Variants in FHIP1A observed in about 807,000 individuals in gnomAD.
FHIP1A encodes the protein FHF complex subunit HOOK interacting protein 1A, also known as FHF complex subunit HOOK-interacting protein 1A.
Under a neutral mutation model 88.6 loss-of-function variants are expected in FHIP1A, and 61 were observed. The observed-to-expected ratio is 0.69, with a 90% CI of 0.56 to 0.85. FHIP1A has a LOEUF of 0.85. FHIP1A is among the 40% of genes least tolerant of loss of function. The pLI, the probability that FHIP1A is intolerant of heterozygous loss-of-function variation, is 0.00. For synonymous variants in FHIP1A, 478 were observed against 496.0 expected, an observed-to-expected ratio of 0.96 and a Z score of 0.48; for missense variants, 1,154 against 1,273.5, an observed-to-expected ratio of 0.91 and a Z score of 1.43.
At chr4:151,424,512 G>A (rs1733291881) in intron 1 of FHIP1A, among the ~76,000 whole-genome samples, 1 of 152,114 alleles carries the variant, frequency 6.6e-6, no homozygotes, top group Non-Finnish European at 1.5e-5. Flanking sequence ...GTAGGATAAG[G>A]TAGACTCAGA....
Position 151,602,842 on chromosome 4 carries a change from G to A in FHIP1A, c.978+13916G>A, listed in dbSNP as rs111452552. On this transcript the variant is annotated intron_variant, in intron 7 of 13. Transcript: ENST00000435205. ...GCAGGGGATTCAAGAGAAGGGAAAGGTGTGGAGAAAAAGACAGACACAAGT... is the reference window on the plus strand; with the variant it reads ...GCAGGGGATTCAAGAGAAGGGAAAGATGTGGAGAAAAAGACAGACACAAGT... Among the ~76,000 whole-genome samples the A allele has an allele frequency of 3.1e-3, 469 of 152,222 alleles. 2 individuals are homozygous for A. The highest frequency in any genetic ancestry group is 0.011 in the African/African-American group (455 of 41,518).
chr4:151,662,476 A>G (rs1737497348), intron 13 of FHIP1A, 25 bp from the exon 14 acceptor site: 1 of 1,502,782 alleles, frequency 6.7e-7, no homozygotes, highest in African/African-American at 1.4e-5. Context: ...GAGGGACACC[A>G]TGATGGTTTT....
At chr4:151,626,715 A>G (rs1340533286) in intron 7 of FHIP1A, among the ~76,000 whole-genome samples, 1 of 152,242 alleles carries the variant, frequency 6.6e-6, no homozygotes, top group Non-Finnish European at 1.5e-5. Flanking sequence ...TTCTTTATAA[A>G]ACAAATTAAA....
intron 1 of FHIP1A, among the ~76,000 whole-genome samples, chr4:151,432,262 G>A (rs7658169): frequency 0.51 from 77,964 of 152,008 alleles, 20,241 homozygotes; most frequent in Non-Finnish European, 0.55. Flanking sequence ...AATAACTTTC[G>A]TATAAGACAA....
intron 3 of FHIP1A, among the ~76,000 whole-genome samples, chr4:151,504,920 G>A (rs976382402): frequency 3.9e-5 from 6 of 152,084 alleles, no homozygotes; most frequent in Non-Finnish European, 8.8e-5. Flanking sequence ...GCCCAGCCTG[G>A]GAAGAAATTT....
intron 8 of FHIP1A, among the ~76,000 whole-genome samples, chr4:151,635,256 C>A (rs763227373): frequency 6.6e-6 from 1 of 151,760 alleles, no homozygotes; most frequent in Non-Finnish European, 1.5e-5. Context: ...AATACTGGAA[C>A]CTTTGTGTCT....
chr4:151,450,204 G>A (rs1036337225), intron 1 of FHIP1A, among the ~76,000 whole-genome samples: 6 of 152,070 alleles, frequency 3.9e-5, no homozygotes, highest in Non-Finnish European at 8.8e-5. Context: ...AAGGTCAAAC[G>A]TAAAGAAGTG....
At chr4:151,654,321 G>GC (rs1049226095) in intron 11 of FHIP1A, among the ~76,000 whole-genome samples, 16 of 151,830 alleles carry the variant, frequency 1.1e-4, no homozygotes, top group Admixed American at 6.6e-5. Flanking sequence ...AAGCTCATGT[G>GC]CCCCCCCACC....
In FHIP1A at chr4:151,663,932, G is replaced by A. The variant is rs776913115; in HGVS notation, c.*1178G>A. Among the ~76,000 whole-genome samples, 6 of 152,126 alleles carry A rather than the reference G, an allele frequency of 3.9e-5. No homozygotes were observed. Among genetic ancestry groups the A allele is most frequent in the East Asian group, 1.9e-4 (1 of 5,196 alleles). ...GAAGGCCCCAACGTGCTGTATGAGCGTCCCTCTGCTGCTTTGCAGCCTGCT... is the reference window on the plus strand; with the variant it reads ...GAAGGCCCCAACGTGCTGTATGAGCATCCCTCTGCTGCTTTGCAGCCTGCT... On this transcript the variant is annotated 3_prime_UTR_variant, in exon 14 of 14. Coordinates refer to ENST00000435205, the MANE Select transcript of FHIP1A (RefSeq NM_001109977.3).
intron 2 of FHIP1A, among the ~76,000 whole-genome samples, chr4:151,473,707 C>G (rs1038966870): frequency 6.6e-6 from 1 of 152,132 alleles, no homozygotes; most frequent in Non-Finnish European, 1.5e-5. Flanking sequence ...CTGAGAAAGT[C>G]AAGGGAACAA....
At chr4:151,647,857 C>T (rs886218938) in intron 10 of FHIP1A, among the ~76,000 whole-genome samples, 1 of 152,194 alleles carries the variant, frequency 6.6e-6, no homozygotes, top group Admixed American at 6.5e-5. Context: ...CTATGATTCT[C>T]CATAACTTGC....
At chr4:151,563,971 C>T (rs890090869) in intron 3 of FHIP1A, among the ~76,000 whole-genome samples, 4 of 151,914 alleles carry the variant, frequency 2.6e-5, no homozygotes, top group South Asian at 2.1e-4. Context: ...AGCCTGGTGA[C>T]GGATTGAGAC....
chr4:151,615,795 G>C (rs1308622017), intron 7 of FHIP1A, among the ~76,000 whole-genome samples: 6 of 152,196 alleles, frequency 3.9e-5, no homozygotes, highest in Non-Finnish European at 7.3e-5. Context: ...TGGACAGGGG[G>C]TTAGTAGAGG....
At chr4:151,636,114 T>C (rs1253261979) in intron 8 of FHIP1A, among the ~76,000 whole-genome samples, 1 of 151,902 alleles carries the variant, frequency 6.6e-6, no homozygotes, top group Admixed American at 6.6e-5. Context: ...ATAGAAAGGA[T>C]TATACACTAT....
intron 3 of FHIP1A, among the ~76,000 whole-genome samples, chr4:151,482,872 A>G (rs142004167): frequency 1.7e-4 from 26 of 152,206 alleles, no homozygotes; most frequent in African/African-American, 5.5e-4. Context: ...GCATTCTTCT[A>G]AGCATCCTGT....
chr4:151,505,592 C>T (rs923172197), intron 3 of FHIP1A, among the ~76,000 whole-genome samples: 8 of 152,242 alleles, frequency 5.3e-5, no homozygotes, highest in African/African-American at 7.2e-5. Context: ...TATTCTTGAT[C>T]GGTAATTTTG....
chr4:151,614,455 T>A (rs1223971127), intron 7 of FHIP1A, among the ~76,000 whole-genome samples: 1 of 146,276 alleles, frequency 6.8e-6, no homozygotes, highest in African/African-American at 2.6e-5. Flanking sequence ...AGCCACGGTG[T>A]GAGACTCTGT....
rs534321871 is a variant in FHIP1A, at chr4:151,453,267, T to A, written c.-355-1434T>A. 3.2e-4 allele frequency among the ~76,000 whole-genome samples: 49 copies of A among 152,242 alleles called. No individual in the cohort carries two copies. In the South Asian group the frequency reaches 6.2e-3, roughly 19 times the overall value. ...CTGACCTCAAGTGATCCGCCCGCCTTGGCCTCCCAAAATGCTGGGATTACA... is the reference window on the plus strand; with the variant it reads ...CTGACCTCAAGTGATCCGCCCGCCTAGGCCTCCCAAAATGCTGGGATTACA... On this transcript the variant is annotated intron_variant, in intron 1 of 13. Transcript: ENST00000435205.
chr4:151,498,414 G>A (rs1047554931), intron 3 of FHIP1A, among the ~76,000 whole-genome samples: 3 of 152,118 alleles, frequency 2.0e-5, no homozygotes, highest in African/African-American at 4.8e-5. Flanking sequence ...TGGAAGAGGC[G>A]AGTTGTAAAG....
Sources: allele counts gnomAD v4.1 joint callset (sites outside exome capture counted in the v4.1 genomes callset), GRCh38; gene constraint gnomAD v4.1.1; transcripts MANE v1.5; gene names NCBI Gene and HGNC (gene_info 2026-07-23, HGNC 2026-07-21).